MTMR4: variants seen among roughly 807,000 people sequenced by gnomAD.
MTMR4 encodes the protein phosphatidylinositol-3,5-bisphosphate 3-phosphatase MTMR4.
MTMR4 carries 30 observed loss-of-function variants against 125.5 expected under a neutral mutation model. The ratio of observed to expected loss-of-function variants is 0.24; its 90% CI spans 0.18 to 0.32. MTMR4 has a LOEUF of 0.32. Ranked by LOEUF, MTMR4 falls within the 10% of genes least tolerant of loss-of-function variation. MTMR4 has a pLI of 1.00. For synonymous variants in MTMR4, 498 were observed against 564.5 expected (o/e 0.88, Z 1.67); for missense variants, 1,039 against 1,511.5 (o/e 0.69, Z 5.18).
At chr17:58,505,970 T>C (rs913462103) in intron 9 of MTMR4, among the ~76,000 whole-genome samples, 9 of 152,184 alleles carry the variant, frequency 5.9e-5, no homozygotes, top group Non-Finnish European at 1.3e-4. Flanking sequence ...AGAGTGGTCC[T>C]GGTGGACAAA....
In MTMR4 at chr17:58,512,333, A is replaced by C. The variant is rs1352885827; in HGVS notation, c.252+57T>G. 1 of 1,417,916 alleles carries C rather than the reference A, an allele frequency of 7.1e-7. No individual in the cohort carries two copies. The highest frequency in any genetic ancestry group is 1.0e-6 in the Non-Finnish European group (1 of 1,002,206). 87.8% of individuals were successfully genotyped at this position (1,417,916 alleles called of 1,614,324 possible). A position where few individuals can be genotyped will look rare whatever the true frequency, so the allele number is the denominator to read the frequency against. On this transcript the variant is annotated intron_variant, in intron 3 of 17. Coordinates refer to ENST00000682306, the MANE Select transcript of MTMR4 (RefSeq NM_001378067.1). The surrounding 1 kb of genome is among the most constrained non-coding windows in gnomAD (Gnocchi z 4.1). ...TCAAGGACAGCCTTGGAACAATCCC[A>C]CCTTGAACTTCATAGGGATTCTAGC...
At position 58,504,584 on chromosome 17, in the gene MTMR4, C is replaced by A; in HGVS notation, c.1342-96G>T. 6.9e-7 allele frequency: 1 copy of A among 1,447,420 alleles called. No individual in the cohort carries two copies. The highest frequency in any genetic ancestry group is 9.3e-7 in the Non-Finnish European group (1 of 1,075,842). The allele number at this position is 1,447,420 out of a possible 1,614,324, so 89.7% of individuals were successfully genotyped here. On this transcript the variant is annotated intron_variant, in intron 11 of 17. Transcript: ENST00000682306. This position sits in a 1 kb window ranked among gnomAD's most constrained non-coding sequence, Gnocchi z 7.1. The stretch of plus-strand genomic sequence containing the variant: ...GCCCAAAGCAGGAAGCTGGCAGCTT[C>A]AAAGAAAAATAGGACTGGACCTAGA...
At chr17:58,505,094 C>G (rs192227327) in intron 10 of MTMR4, 120 bp from the exon 11 acceptor site, 104 of 941,902 alleles carry the variant, frequency 1.1e-4, no homozygotes, top group Admixed American at 1.1e-3. Context: ...CCAAGAGGTA[C>G]AACCCAGGGC....
At chr17:58,515,977 C>T (rs930854787), upstream of MTMR4, among the ~76,000 whole-genome samples, 1 of 152,184 alleles carries the variant, frequency 6.6e-6, no homozygotes, top group African/African-American at 2.4e-5. Context: ...CTTCCCTGGA[C>T]TTGGGGTGAG....
At chr17:58,493,869 G>A (rs527621865) in intron 15 of MTMR4, among the ~76,000 whole-genome samples, 46 of 152,280 alleles carry the variant, frequency 3.0e-4, no homozygotes, top group African/African-American at 1.0e-3. Context: ...CCATGGAGAG[G>A]AAGCTGGCTC....
In MTMR4 at chr17:58,504,275, C is replaced by G; in HGVS notation, c.1527+28G>C. 1 of 1,606,750 alleles carries G rather than the reference C, an allele frequency of 6.2e-7. No homozygotes were observed. Among genetic ancestry groups the G allele is most frequent in the Non-Finnish European group, 8.5e-7 (1 of 1,173,778 alleles). On this transcript the variant is annotated intron_variant, in intron 12 of 17. Transcript: ENST00000682306. The surrounding 1 kb of genome is among the most constrained non-coding windows in gnomAD (Gnocchi z 7.1). ...GGCCTCGGGCTGTCATTCCCCCCAT[C>G]CCTGTTGTCACAGGCCTTAGGACTT...
chr17:58,498,529 G>C (rs1304303846), intron 14 of MTMR4, among the ~76,000 whole-genome samples: 1 of 85,006 alleles, frequency 1.2e-5, no homozygotes, highest in Non-Finnish European at 2.5e-5. Context: ...AAGGAGAAGC[G>C]GGGGAGGAGG....
chr17:58,495,511 A>T lies in MTMR4; in HGVS notation c.2673T>A (p.Asn891Lys). The T allele has an allele frequency of 6.2e-7, 1 of 1,614,148 alleles. No individual in the cohort carries two copies. Among genetic ancestry groups the T allele is most frequent in the South Asian group, 1.1e-5 (1 of 91,084 alleles). ...CCAATGGCATTTTCCCAAAGCGAGG[A>T]TTTTCCAATAACTGCCCATTCCTAT... ...GNNRNGQLLE[N>K]PRFGKMPLEL... Residue 891 changes from asparagine to lysine, a missense_variant, in exon 15 of 18, where the codon AAT (asparagine) becomes AAA (lysine). This residue lies in a region of MTMR4 where 619 missense variants were observed against 714.5 expected (regional missense o/e 0.87). Transcript: ENST00000682306.
rs370893891 is a variant in MTMR4, at chr17:58,512,370, A to G, written c.252+20T>C. On this transcript the variant is annotated intron_variant, in intron 3 of 17. Transcript: ENST00000682306. The surrounding 1 kb of genome is among the most constrained non-coding windows in gnomAD (Gnocchi z 4.1). ...ATAGGGATTCTAGCTTAGGGGTAGGAGAACAATACAGAAACTCACGTTGAT... is the reference window on the plus strand; with the variant it reads ...ATAGGGATTCTAGCTTAGGGGTAGGGGAACAATACAGAAACTCACGTTGAT... The G allele has an allele frequency of 2.6e-6, 4 of 1,556,888 alleles. No individual in the cohort carries two copies. The South Asian group carries it at 3.3e-5, about 13-fold the overall frequency.
At position 58,512,781 on chromosome 17, in the gene MTMR4, T is replaced by C. The variant is rs112533908; in HGVS notation, c.135+71A>G. On this transcript the variant is annotated intron_variant, in intron 2 of 17. Transcript: ENST00000682306. This position sits in a 1 kb window ranked among gnomAD's most constrained non-coding sequence, Gnocchi z 4.1. ...TGGTACCAGATGCCCTTGAGGATTT[T>C]TGGGAGAAGGGAGGGTGTTTTTTAA... 17 of 1,350,398 alleles carry C rather than the reference T, an allele frequency of 1.3e-5. No individual in the cohort carries two copies. The East Asian group carries it at 1.4e-4, about 11-fold the overall frequency. 83.7% of individuals were successfully genotyped at this position (1,350,398 alleles called of 1,614,324 possible). A position where few individuals can be genotyped will look rare whatever the true frequency, so the allele number is the denominator to read the frequency against.
At position 58,491,601 on chromosome 17, in the gene MTMR4, C is replaced by G. The variant is rs981744616; in HGVS notation, c.*62G>C. 2.6e-5 allele frequency: 40 copies of G among 1,530,938 alleles called. No homozygotes were observed. The African/African-American group carries it at 5.1e-4, about 19-fold the overall frequency. The allele number at this position is 1,530,938 out of a possible 1,614,324, so 94.8% of individuals were successfully genotyped here. ...GAGCCACACCAAGGAACCTTCCAAA[C>G]TACAACTGAAGAAGATCCTCCCTTC... is the stretch of plus-strand genomic sequence containing the variant. On this transcript the variant is annotated 3_prime_UTR_variant, in exon 18 of 18. Coordinates refer to ENST00000682306, the MANE Select transcript of MTMR4 (RefSeq NM_001378067.1).
chr17:58,507,930 C>T (rs1295753449), intron 7 of MTMR4: 2 of 432,472 alleles, frequency 4.6e-6, no homozygotes, highest in Admixed American at 3.8e-5. Context: ...CACACACACA[C>T]ACACACACAC....
chr17:58,505,527 G>C lies in MTMR4; in HGVS notation c.1090C>G (p.Arg364Gly). 6.2e-7 allele frequency: 1 copy of C among 1,613,066 alleles called. No homozygotes were observed. The highest frequency in any genetic ancestry group is 8.5e-7 in the Non-Finnish European group (1 of 1,179,390). ...FMGMANIHAI[R>G]NSFQYLRAVC... ...GCCCGGAGGTACTGAAAGCTGTTCC[G>C]GATGGCATGGATGTTGGCCATTCCC... Residue 364 changes from arginine (R) to glycine (G), a missense_variant, in exon 10 of 18, where the codon CGG (arginine) becomes GGG (glycine). Coordinates refer to ENST00000682306, the MANE Select transcript of MTMR4 (RefSeq NM_001378067.1).
At chr17:58,500,788 TTGTTC>T (rs1975604224) in intron 14 of MTMR4, among the ~76,000 whole-genome samples, 1 of 151,668 alleles carries the variant, frequency 6.6e-6, no homozygotes, top group Non-Finnish European at 1.5e-5. Context: ...CTCTCTCTAG[TTGTTC>T]TGTGTCTTAT....
intron 8 of MTMR4, 100 bp from the exon 9 acceptor site, chr17:58,506,971 G>C (rs1245991882): frequency 1.7e-5 from 27 of 1,554,762 alleles, no homozygotes; most frequent in Non-Finnish European, 2.3e-5. Flanking sequence ...TGCAACTAGA[G>C]ACCCCTCATA....
In MTMR4 at chr17:58,495,997, G is replaced by T. The variant is rs745784878; in HGVS notation, c.2187C>A (p.Ser729Arg). Residue 729 changes from serine (S) to arginine (R), a missense_variant, in exon 15 of 18, where the codon AGC becomes AGA. This residue lies in a region of MTMR4 where 619 missense variants were observed against 714.5 expected (regional missense o/e 0.87). Transcript: ENST00000682306. ...LNTAVPREMK[S>R]NTSDPEIKVL... ...CTTTGATCTCAGGATCAGAGGTGTT[G>T]CTCTTCATTTCCCGAGGCACTGCGG... 4 of 1,614,084 alleles carry T rather than the reference G, an allele frequency of 2.5e-6. No individual in the cohort carries two copies. The East Asian group carries it at 8.9e-5, about 36-fold the overall frequency.
chr17:58,504,466 G>A lies in MTMR4; in HGVS notation c.1364C>T (p.Ser455Phe). The A allele has an allele frequency of 6.2e-7, 1 of 1,613,898 alleles. No homozygotes were observed. Among genetic ancestry groups the A allele is most frequent in the Non-Finnish European group, 8.5e-7 (1 of 1,179,964 alleles). ...CTTGTGCCCAAAATCCAGCCAGTCA[G>A]ACTCCACTAACACTTGGAAGCCCTG... ...TLEGFQVLVE[S>F]DWLDFGHKFG... The change falls in exon 12 of 18, where the codon TCT (serine) becomes TTT (phenylalanine). Residue 455 changes from serine (S) to phenylalanine (F), a missense_variant. Around this residue, in one of 6 missense-constraint regions of MTMR4, gnomAD observed 107 missense variants for 267.4 expected, o/e 0.40. Transcript: ENST00000682306. This position sits in a 1 kb window ranked among gnomAD's most constrained non-coding sequence, Gnocchi z 7.1.
At chr17:58,509,341 C>T (rs530811352) in intron 4 of MTMR4, among the ~76,000 whole-genome samples, 1 of 151,590 alleles carries the variant, frequency 6.6e-6, no homozygotes, top group South Asian at 2.1e-4. Flanking sequence ...TTCCTTGAAG[C>T]CTTCCCAGCC....
Position 58,496,051 on chromosome 17 carries a change from G to C in MTMR4, c.2133C>G (p.Ser711Arg). 1 of 1,614,172 alleles carries C rather than the reference G, an allele frequency of 6.2e-7. No homozygotes were observed. The highest frequency in any genetic ancestry group is 8.5e-7 in the Non-Finnish European group (1 of 1,180,026). Reference protein sequence around the residue: ...LSNKPFKSHKSCSPSYKLLNT... With the variant: ...LSNKPFKSHKRCSPSYKLLNT... ...TAAGCAGTTTGTAACTTGGAGAACAGCTTTTGTGACTCTTGAAAGGTTTAT... is the reference window on the plus strand; with the variant it reads ...TAAGCAGTTTGTAACTTGGAGAACACCTTTTGTGACTCTTGAAAGGTTTAT... The change falls in exon 15 of 18, where the codon AGC becomes AGG. Residue 711 changes from serine (S) to arginine (R), a missense_variant. Ser to Arg is a moderately radical substitution (Grantham distance 110). Coordinates refer to ENST00000682306, the MANE Select transcript of MTMR4 (RefSeq NM_001378067.1).
Sources: gnomAD v4.1 joint callset for allele counts (sites outside exome capture counted in the v4.1 genomes callset) on GRCh38, gnomAD v4.1.1 for gene constraint, gnomAD v4.1.1 regional missense constraint, Gnocchi (gnomAD v3.1) non-coding constraint, MANE v1.5 for transcripts, NCBI Gene and HGNC (gene_info 2026-07-23, HGNC 2026-07-21) for gene names.